Variants in EXT2 observed in about 807,000 individuals in gnomAD.
The protein encoded by EXT2 is exostosin-2.
Under a neutral mutation model 81.6 loss-of-function variants are expected in EXT2, and 53 were observed. The ratio of observed to expected loss-of-function variants is 0.65; its 90% CI spans 0.52 to 0.82. The LOEUF (loss-of-function observed/expected upper bound fraction) is 0.82. Among genes scored for constraint, EXT2 ranks in the 40% least tolerant of loss-of-function variants. The probability of loss-of-function intolerance (pLI) is 0.00; values close to 1 mark genes in which losing one functional copy is unlikely to be tolerated. For synonymous variants in EXT2, 320 were observed against 340.0 expected (o/e 0.94, Z 0.65); for missense variants, 774 against 910.2 (o/e 0.85, Z 1.93).
chr11:44,150,575 G>C (rs1954779370), intron 7 of EXT2, among the ~76,000 whole-genome samples: 1 of 152,170 alleles, frequency 6.6e-6, no homozygotes, highest in African/African-American at 2.4e-5. Context: ...CTGGGCAGTG[G>C]CTACATTTAA....
intron 8 of EXT2, among the ~76,000 whole-genome samples, chr11:44,182,160 G>T (rs2135150792): frequency 6.6e-6 from 1 of 152,166 alleles, no homozygotes. Flanking sequence ...ATTTAGTATG[G>T]TGCCTCACCC....
At position 44,220,342 on chromosome 11, in the gene EXT2, T is replaced by C. The variant is rs1955768460; in HGVS notation, c.1663-12011T>C. The stretch of plus-strand genomic sequence containing the variant: ...TTTGAGCCTTGTGTATATATCTGAG[T>C]AAGCAACAGTTCCCCCGAGTACCTT... On this transcript the variant is annotated intron_variant, in intron 10 of 13. Transcript: ENST00000533608. This position sits in a 1 kb window ranked among gnomAD's most constrained non-coding sequence, Gnocchi z 4.4. 6.6e-6 allele frequency among the ~76,000 whole-genome samples: 1 copy of C among 152,202 alleles called. No homozygotes were observed. The highest frequency in any genetic ancestry group is 6.5e-5 in the Admixed American group (1 of 15,282).
chr11:44,175,285 G>T (rs1304484128), intron 8 of EXT2, among the ~76,000 whole-genome samples: 1 of 152,166 alleles, frequency 6.6e-6, no homozygotes, highest in Admixed American at 6.5e-5. Context: ...TAGGGAATTT[G>T]GTTGCATGAG....
Position 44,173,717 on chromosome 11 carries a change from C to T in EXT2, c.1305+1975C>T, listed in dbSNP as rs568431589. Among the ~76,000 whole-genome samples the T allele has an allele frequency of 1.1e-3, 165 of 151,658 alleles. 1 individual carries two copies. Among genetic ancestry groups the T allele is most frequent in the African/African-American group, 3.9e-3 (160 of 41,344 alleles). On this transcript the variant is annotated intron_variant, in intron 8 of 13. Transcript: ENST00000533608. Reference sequence around the variant, plus strand: ...CCGAGTAGCTGGGACTACAGGCGCCCGCCACCACGTCCGGCTAATTTTTTG... The same window carrying T: ...CCGAGTAGCTGGGACTACAGGCGCCTGCCACCACGTCCGGCTAATTTTTTG...
chr11:44,232,493 C>T lies in EXT2; in HGVS notation c.1803C>T (p.His601=), dbSNP rs1590666591. ...TGCTCACTGGGGCAGCTTTTTATCA[C>T]AAGGTAAGGGGGCGCAGTCCTGGCA... ...SMVLTGAAFY[H]KYFNYLYTYK... The change falls in exon 11 of 14, where the codon CAC becomes CAT. Residue 601 remains histidine (H), a synonymous_variant. Transcript: ENST00000533608. The T allele has an allele frequency of 6.2e-7, 1 of 1,613,830 alleles. No individual in the cohort carries two copies. The highest frequency in any genetic ancestry group is 8.5e-7 in the Non-Finnish European group (1 of 1,179,874).
In EXT2 at chr11:44,106,675, G is replaced by T. The variant is rs55832219; in HGVS notation, c.-30-1008G>T. Among the ~76,000 whole-genome samples, 600 of 152,234 alleles carry T rather than the reference G, an allele frequency of 3.9e-3. 5 individuals carry two copies. Among genetic ancestry groups the T allele is most frequent in the African/African-American group, 0.014 (576 of 41,534 alleles). ...CACAGAGTCTTGCTCTGTCACTTGGGCTGGAGTGCAGTGGCACGATCTCGG... is the reference window on the plus strand; with the variant it reads ...CACAGAGTCTTGCTCTGTCACTTGGTCTGGAGTGCAGTGGCACGATCTCGG... On this transcript the variant is annotated intron_variant, in intron 1 of 13. Coordinates refer to ENST00000533608, the MANE Select transcript of EXT2 (RefSeq NM_207122.2).
Position 44,114,068 on chromosome 11 carries a change from CTG to C in EXT2, c.627-115_627-114del, listed in dbSNP as rs1590555201. On this transcript the variant is annotated intron_variant, in intron 3 of 13. Transcript: ENST00000533608. ...GCATTGTCTTTATAGAAAACTGACT[CTG>C]TAAACGTTAGCTGGTTTTGATAATA... is the stretch of plus-strand genomic sequence containing the variant. The C allele has an allele frequency of 6.5e-6, 6 of 928,108 alleles. No homozygotes were observed. In the South Asian group the frequency reaches 6.5e-5, roughly 10 times the overall value. 57.5% of individuals were successfully genotyped at this position (928,108 alleles called of 1,614,324 possible). A position where few individuals can be genotyped will look rare whatever the true frequency, so the allele number is the denominator to read the frequency against.
At position 44,114,307 on chromosome 11, in the gene EXT2, G is replaced by T. The variant is rs1462986947; in HGVS notation, c.743+6G>T. On this transcript the variant is annotated splice_donor_region_variant and intron_variant, in intron 4 of 13. Coordinates refer to ENST00000533608, the MANE Select transcript of EXT2 (RefSeq NM_207122.2). ...CTTCCAGAGAAAGGACCAGGGTAAG[G>T]TACATTCATCCCAGCCAGGTGTGCC... 6.2e-7 allele frequency: 1 copy of T among 1,610,036 alleles called. No homozygotes were observed. Among genetic ancestry groups the T allele is most frequent in the South Asian group, 1.1e-5 (1 of 90,996 alleles).
rs748811779 is a variant in EXT2, at chr11:44,206,952, G to A, written c.1655G>A (p.Gly552Asp). 1.9e-6 allele frequency: 3 copies of A among 1,613,898 alleles called. No individual in the cohort carries two copies. The highest frequency in any genetic ancestry group is 1.3e-5 in the African/African-American group (1 of 74,896). Reference protein sequence around the residue: ...IMLTSDELQFGYEVWREFPDR... With the variant: ...IMLTSDELQFDYEVWREFPDR... ...CTGACCTCTGACGAGCTGCAATTTGGTTATGAGGTAAGGAGGTTTTACACA... is the reference window on the plus strand; with the variant it reads ...CTGACCTCTGACGAGCTGCAATTTGATTATGAGGTAAGGAGGTTTTACACA... The change falls in exon 10 of 14, where the codon GGT (glycine) becomes GAT (aspartate). Residue 552 changes from glycine to aspartate, a missense_variant. Gly to Asp is a moderately conservative substitution (Grantham distance 94). Around this residue, in one of 2 missense-constraint regions of EXT2, gnomAD observed 148 missense variants for 239.7 expected, o/e 0.62. Coordinates refer to ENST00000533608, the MANE Select transcript of EXT2 (RefSeq NM_207122.2).
intron 7 of EXT2, among the ~76,000 whole-genome samples, chr11:44,141,189 C>T (rs75150855): frequency 0.014 from 2,056 of 152,218 alleles, 47 homozygotes; most frequent in African/African-American, 0.047. Flanking sequence ...CTTTAAATTA[C>T]CCCTAGATTA....
At chr11:44,143,025 C>T (rs1419478942) in intron 7 of EXT2, among the ~76,000 whole-genome samples, 1 of 152,226 alleles carries the variant, frequency 6.6e-6, no homozygotes, top group Non-Finnish European at 1.5e-5. Flanking sequence ...AATCTGGGCT[C>T]ACTGCAACTT....
chr11:44,154,495 C>T (rs544337458), intron 7 of EXT2, among the ~76,000 whole-genome samples: 50 of 152,206 alleles, frequency 3.3e-4, no homozygotes, highest in African/African-American at 1.1e-3. Context: ...TTGAGTAGTT[C>T]TCCATTGTGT....
chr11:44,246,390 A>G lies in EXT2; in HGVS notation c.*2103A>G, dbSNP rs993780897. ...CCAAAGGGTACATTTTTAAATTTTT[A>G]TTTTTTAAAATCTTGAGAGTCCTTT... On this transcript the variant is annotated 3_prime_UTR_variant, in exon 14 of 14. Transcript: ENST00000533608. Among the ~76,000 whole-genome samples the G allele has an allele frequency of 6.6e-6, 1 of 152,056 alleles. No homozygotes were observed. The highest frequency in any genetic ancestry group is 2.4e-5 in the African/African-American group (1 of 41,382).
chr11:44,186,846 T>A (rs1955318161), intron 8 of EXT2, among the ~76,000 whole-genome samples: 1 of 152,208 alleles, frequency 6.6e-6, no homozygotes, highest in South Asian at 2.1e-4. Context: ...AGAAGAATAG[T>A]GTAACAATTA....
chr11:44,236,281 C>T lies in EXT2; in HGVS notation c.1936-12C>T. 1.2e-6 allele frequency: 2 copies of T among 1,613,686 alleles called. No homozygotes were observed. The highest frequency in any genetic ancestry group is 2.2e-5 in the East Asian group (1 of 44,880). Reference sequence around the variant, plus strand: ...ACTGACAGCCAGGTATGTTTTTGTCCTCCTCTGGCAGGTAACCCCACGAAA... The same window carrying T: ...ACTGACAGCCAGGTATGTTTTTGTCTTCCTCTGGCAGGTAACCCCACGAAA... On this transcript the variant is annotated splice_polypyrimidine_tract_variant and intron_variant, in intron 12 of 13. Transcript: ENST00000533608.
chr11:44,184,401 A>C (rs1955279700), intron 8 of EXT2, among the ~76,000 whole-genome samples: 1 of 152,128 alleles, frequency 6.6e-6, no homozygotes, highest in Non-Finnish European at 1.5e-5. Context: ...CGTGAGAACT[A>C]CTTTTTTTTG....
At chr11:44,125,710 G>T (rs991843719) in intron 5 of EXT2, among the ~76,000 whole-genome samples, 4 of 151,654 alleles carry the variant, frequency 2.6e-5, no homozygotes, top group Admixed American at 1.3e-4. Flanking sequence ...CAGAGAGCTT[G>T]CCCATACTGG....
intron 3 of EXT2, among the ~76,000 whole-genome samples, chr11:44,111,089 G>A (rs1236449468): frequency 6.6e-6 from 1 of 152,180 alleles, no homozygotes; most frequent in East Asian, 1.9e-4. Context: ...AGATGGGCTA[G>A]ATTAGACTGC....
intron 7 of EXT2, among the ~76,000 whole-genome samples, chr11:44,138,441 A>T (rs1338165452): frequency 6.6e-6 from 1 of 152,032 alleles, no homozygotes; most frequent in Non-Finnish European, 1.5e-5. Flanking sequence ...CCTGACTCCC[A>T]GTCTGATGAT....
Sources: gnomAD v4.1 joint callset for allele counts (sites outside exome capture counted in the v4.1 genomes callset) on GRCh38, gnomAD v4.1.1 for gene constraint, gnomAD v4.1.1 regional missense constraint, Gnocchi (gnomAD v3.1) non-coding constraint, MANE v1.5 for transcripts, NCBI Gene and HGNC (gene_info 2026-07-23, HGNC 2026-07-21) for gene names.